Variants in DCAF1 observed in about 807,000 individuals in gnomAD.
The protein encoded by DCAF1 is DDB1 and CUL4 associated factor 1, also known as DDB1- and CUL4-associated factor 1.
In DCAF1, 15 loss-of-function variants were observed where a neutral mutation model predicts 128.0. That is an observed-to-expected ratio of 0.12 (90% CI 0.08 to 0.18). DCAF1 has a LOEUF of 0.18. Among genes scored for constraint, DCAF1 ranks in the 10% least tolerant of loss-of-function variants. The probability of loss-of-function intolerance (pLI) is 1.00; values close to 1 mark genes in which losing one functional copy is unlikely to be tolerated. For synonymous variants in DCAF1, 610 were observed against 603.0 expected (o/e 1.01, Z -0.17); for missense variants, 988 against 1,649.5 (o/e 0.60, Z 6.95).
At chr3:51,422,193 T>C in intron 14 of DCAF1, 114 bp downstream of exon 14, 1 of 656,076 alleles carries the variant, frequency 1.5e-6, no homozygotes, top group Non-Finnish European at 2.8e-6. Context: ...AGCCCCCCTC[T>C]ACTACTTCTG....
chr3:51,487,964 A>G (rs1707168804), intron 2 of DCAF1, among the ~76,000 whole-genome samples: 1 of 152,202 alleles, frequency 6.6e-6, no homozygotes, highest in African/African-American at 2.4e-5. Flanking sequence ...TCCTGGGTTC[A>G]AGCGATTCTC....
chr3:51,477,261 C>A (rs1553650933), intron 3 of DCAF1, among the ~76,000 whole-genome samples: 1 of 151,172 alleles, frequency 6.6e-6, no homozygotes, highest in Non-Finnish European at 1.5e-5. Context: ...GCCTAAAATT[C>A]ATTTGCTCTT....
upstream of DCAF1, among the ~76,000 whole-genome samples, chr3:51,504,399 G>A (rs1360301472): frequency 1.3e-5 from 2 of 151,940 alleles, no homozygotes; most frequent in Non-Finnish European, 2.9e-5. Context: ...CCAGGCTGGA[G>A]TGCAGTGAAG....
At chr3:51,454,673 G>C (rs1553642369) in intron 6 of DCAF1, among the ~76,000 whole-genome samples, 1 of 150,762 alleles carries the variant, frequency 6.6e-6, no homozygotes, top group African/African-American at 2.4e-5. Flanking sequence ...CCTAATTTTT[G>C]TTTTGTTTTG....
intron 6 of DCAF1, among the ~76,000 whole-genome samples, chr3:51,449,323 T>C (rs1702148132): frequency 6.6e-6 from 1 of 152,200 alleles, no homozygotes; most frequent in South Asian, 2.1e-4. Flanking sequence ...TTCTCCTGCC[T>C]CAACCTCCCA....
At chr3:51,475,780 G>T (rs1401998010) in intron 3 of DCAF1, among the ~76,000 whole-genome samples, 1 of 151,846 alleles carries the variant, frequency 6.6e-6, no homozygotes, top group African/African-American at 2.4e-5. Flanking sequence ...AGAATGGCGT[G>T]AACCCAGGAG....
the DCAF1 span, among the ~76,000 whole-genome samples, chr3:51,505,099 T>TA: frequency 5.9e-5 from 9 of 151,828 alleles, no homozygotes; most frequent in African/African-American, 1.4e-4. Context: ...CCATCTCTAC[T>TA]AAAAAATTAC....
At chr3:51,401,418 T>C (rs950614024) in intron 24 of DCAF1, among the ~76,000 whole-genome samples, 12 of 152,196 alleles carry the variant, frequency 7.9e-5, no homozygotes, top group Admixed American at 1.3e-4. Flanking sequence ...GGCTCTTCTA[T>C]GAAACACAGA....
At chr3:51,484,687 T>C (rs937537697) in intron 2 of DCAF1, among the ~76,000 whole-genome samples, 3 of 148,034 alleles carry the variant, frequency 2.0e-5, no homozygotes, top group African/African-American at 7.4e-5. Context: ...TTTTTCTTTT[T>C]TTTTTTTTTT....
intron 5 of DCAF1, among the ~76,000 whole-genome samples, chr3:51,464,360 A>G (rs1234043143): frequency 1.3e-5 from 2 of 152,106 alleles, no homozygotes; most frequent in African/African-American, 4.8e-5. Flanking sequence ...TGCTGGGCAT[A>G]TAACAGTAAA....
chr3:51,498,049 C>CAA (rs56734063), intron 1 of DCAF1, among the ~76,000 whole-genome samples: 1,421 of 20,846 alleles, frequency 0.068, 513 homozygotes, highest in Non-Finnish European at 0.11. Context: ...GACTCTGTCT[C>CAA]AAAAAAAAAA....
At chr3:51,446,418 G>A (rs1701860270) in intron 6 of DCAF1, among the ~76,000 whole-genome samples, 1 of 152,108 alleles carries the variant, frequency 6.6e-6, no homozygotes, top group South Asian at 2.1e-4. Flanking sequence ...TTTGAAGTCA[G>A]GAGTTTGAAA....
chr3:51,451,940 A>T (rs1272600676), intron 6 of DCAF1, among the ~76,000 whole-genome samples: 2 of 152,182 alleles, frequency 1.3e-5, no homozygotes, highest in Non-Finnish European at 2.9e-5. Flanking sequence ...AGTGTTTTTA[A>T]AACTTCTTTT....
chr3:51,500,010 T>TA lies in DCAF1; in HGVS notation c.-194dup. 1 of 137,728 alleles carries TA rather than the reference T, an allele frequency of 7.3e-6. No individual in the cohort carries two copies. Among genetic ancestry groups the TA allele is most frequent in the Middle Eastern group, 4.0e-3 (1 of 248 alleles). The allele number at this position is 137,728 out of a possible 1,614,324, so 8.5% of individuals were successfully genotyped here. A position where few individuals can be genotyped will look rare whatever the true frequency, so the allele number is the denominator to read the frequency against. Reference sequence around the variant, plus strand: ...GACCACGGCTCCACAGCGGCCCACATATTATGCGTCACTCGCGCGCTACGT... The same window carrying TA: ...GACCACGGCTCCACAGCGGCCCACATAATTATGCGTCACTCGCGCGCTACGT... On this transcript the variant is annotated 5_prime_UTR_variant, in exon 1 of 25. Transcript: ENST00000684031.
At chr3:51,432,461 T>C (rs1303192390) in intron 10 of DCAF1, among the ~76,000 whole-genome samples, 1 of 150,684 alleles carries the variant, frequency 6.6e-6, no homozygotes, top group Non-Finnish European at 1.5e-5. Context: ...AGGTCTGTTG[T>C]GTGTTTTTTT....
In DCAF1 at chr3:51,492,477, A is replaced by G. The variant is rs139830700; in HGVS notation, c.-9+4257T>C. ...GTTGCAGTCAGCCGAGATTACCCCA[A>G]TGCACACCGGCCTGGGCAAAAGGAG... On this transcript the variant is annotated intron_variant, in intron 2 of 24. Transcript: ENST00000684031. 1.2e-4 allele frequency among the ~76,000 whole-genome samples: 19 copies of G among 152,096 alleles called. 1 individual carries two copies. The East Asian group carries it at 1.9e-3, about 16-fold the overall frequency.
At chr3:51,464,263 TA>T (rs1553645743) in intron 5 of DCAF1, among the ~76,000 whole-genome samples, 2 of 28,584 alleles carry the variant, frequency 7.0e-5, no homozygotes, top group African/African-American at 4.5e-4. Context: ...AAATTATATA[TA>T]TAATACAATA....
At chr3:51,395,896 T>C (rs1237386239), downstream of DCAF1, 1 of 413,056 alleles carries the variant, frequency 2.4e-6, no homozygotes, top group Non-Finnish European at 4.4e-6. Context: ...TTTATTTGCC[T>C]GTTTTTGTTT....
intron 23 of DCAF1, among the ~76,000 whole-genome samples, chr3:51,409,154 T>A (rs1698171076): frequency 6.6e-6 from 1 of 152,184 alleles, no homozygotes; most frequent in Non-Finnish European, 1.5e-5. Context: ...TCTCAGAAGT[T>A]AAGCAGGACA....
Sources: allele counts gnomAD v4.1 joint callset (sites outside exome capture counted in the v4.1 genomes callset), GRCh38; gene constraint gnomAD v4.1.1; transcripts MANE v1.5; gene names NCBI Gene and HGNC (gene_info 2026-07-23, HGNC 2026-07-21).